CRACD: variants seen among roughly 807,000 people sequenced by gnomAD.
CRACD encodes the protein capping protein inhibiting regulator of actin dynamics.
A neutral mutation model predicts 106.8 loss-of-function variants in CRACD; 56 were observed. The observed-to-expected ratio is 0.52, with a 90% CI of 0.42 to 0.66. The LOEUF (loss-of-function observed/expected upper bound fraction) is 0.66, where lower values mean the gene tolerates loss of function less well. Ranked by LOEUF, CRACD falls within the 30% of genes least tolerant of loss-of-function variation. The probability of loss-of-function intolerance (pLI) is 0.00; values close to 1 mark genes in which losing one functional copy is unlikely to be tolerated. For synonymous variants in CRACD, 754 were observed against 670.8 expected (o/e 1.12, Z -1.92); for missense variants, 1,730 against 1,623.2 (o/e 1.07, Z -1.13).
intron 2 of CRACD, among the ~76,000 whole-genome samples, chr4:56,242,188 A>G (rs559797146): frequency 6.6e-6 from 1 of 152,318 alleles, no homozygotes; most frequent in East Asian, 1.9e-4. Context: ...AGTCTTGAAT[A>G]TCGTTGCCAA....
intron 2 of CRACD, among the ~76,000 whole-genome samples, chr4:56,195,584 G>T (rs1737569201): frequency 6.6e-6 from 1 of 152,096 alleles, no homozygotes; most frequent in Non-Finnish European, 1.5e-5. Context: ...ACTTAAAAAT[G>T]GAAATGTTTC....
intron 1 of CRACD, among the ~76,000 whole-genome samples, chr4:56,057,290 ACT>A (rs1732107158): frequency 6.6e-6 from 1 of 152,036 alleles, no homozygotes; most frequent in Non-Finnish European, 1.5e-5. Flanking sequence ...GAAGACTGAA[ACT>A]CTGAACCACA....
chr4:56,183,235 AAAAATAAAATAAAAT>A (rs201101283), intron 2 of CRACD, among the ~76,000 whole-genome samples: 13,734 of 124,372 alleles, frequency 0.11, 1,654 homozygotes, highest in East Asian at 0.51. Context: ...CTCCGTCTCA[AAAAATAAAATAAAAT>A]AAAATAAAAT....
intron 1 of CRACD, among the ~76,000 whole-genome samples, chr4:56,171,441 A>AG (rs928888256): frequency 2.6e-5 from 4 of 152,182 alleles, no homozygotes; most frequent in African/African-American, 7.2e-5. Flanking sequence ...ATCATAGATT[A>AG]GGGGGGCTGT....
At chr4:56,169,696 C>T (rs935716315) in intron 1 of CRACD, among the ~76,000 whole-genome samples, 1 of 152,106 alleles carries the variant, frequency 6.6e-6, no homozygotes, top group Admixed American at 6.6e-5. Flanking sequence ...CGGGGTTTTG[C>T]CATGTTGCTC....
chr4:56,185,794 T>TA (rs1737070677), intron 2 of CRACD, among the ~76,000 whole-genome samples: 2 of 152,236 alleles, frequency 1.3e-5, no homozygotes, highest in South Asian at 4.1e-4. Flanking sequence ...GTCATTGTTC[T>TA]AGTGGTCTGA....
chr4:56,246,780 A>G (rs1240439253), intron 2 of CRACD: 2 of 152,230 alleles, frequency 1.3e-5, no homozygotes, highest in South Asian at 2.1e-4. Flanking sequence ...GGGGGAAGAA[A>G]CAGGCATCTG....
In CRACD at chr4:56,132,429, C is replaced by T. The variant is rs962373952; in HGVS notation, c.-335-46855C>T. Among the ~76,000 whole-genome samples, 25 of 152,294 alleles carry T rather than the reference C, an allele frequency of 1.6e-4. 2 individuals are homozygous for T. Among genetic ancestry groups the T allele is most frequent in the Admixed American group, 9.8e-4 (15 of 15,290 alleles). ...GATCACGGCTCACTGCAGCCTCAAC[C>T]TTCCAGACTCTAGCAGTTCTCCCAA... is the stretch of plus-strand genomic sequence containing the variant. On this transcript the variant is annotated intron_variant, in intron 1 of 10. Transcript: ENST00000682029.
At chr4:56,256,022 T>C (rs1008991263) in intron 2 of CRACD, among the ~76,000 whole-genome samples, 2 of 152,168 alleles carry the variant, frequency 1.3e-5, no homozygotes, top group African/African-American at 4.8e-5. Context: ...TTGGAGTACT[T>C]GGCTGGCCCC....
At chr4:56,240,617 G>A (rs888039436) in intron 2 of CRACD, among the ~76,000 whole-genome samples, 2 of 152,130 alleles carry the variant, frequency 1.3e-5, no homozygotes, top group Admixed American at 6.6e-5. Context: ...TGATCCTTCT[G>A]CCTCAACCTC....
intron 2 of CRACD, among the ~76,000 whole-genome samples, chr4:56,189,193 A>C (rs1179248261): frequency 2.6e-5 from 4 of 151,930 alleles, no homozygotes; most frequent in Non-Finnish European, 1.5e-5. Context: ...CAAAAAAAAA[A>C]AAACCAAAAA....
intron 1 of CRACD, among the ~76,000 whole-genome samples, chr4:56,145,762 G>A (rs1735357211): frequency 6.6e-6 from 1 of 151,928 alleles, no homozygotes; most frequent in South Asian, 2.1e-4. Context: ...GACTAGAAGT[G>A]TGTGACTCCA....
intron 2 of CRACD, among the ~76,000 whole-genome samples, chr4:56,247,390 A>T (rs17086517): frequency 0.023 from 3,573 of 152,134 alleles, 62 homozygotes; most frequent in South Asian, 0.097. Flanking sequence ...ACTTTTCCAG[A>T]TGTGTGATTT....
intron 1 of CRACD, among the ~76,000 whole-genome samples, 159 bp from the exon 2 acceptor site, chr4:56,179,125 A>G (rs1021701853): frequency 2.6e-5 from 4 of 151,804 alleles, no homozygotes; most frequent in African/African-American, 9.7e-5. Flanking sequence ...AACAGTGCAA[A>G]TCGAATGTTG....
chr4:56,146,695 T>C (rs1042466301), intron 1 of CRACD, among the ~76,000 whole-genome samples: 3 of 152,156 alleles, frequency 2.0e-5, no homozygotes, highest in African/African-American at 7.2e-5. Flanking sequence ...ATATATTTGT[T>C]CTTTTATAAC....
At chr4:56,064,684 T>G (rs1159188006) in intron 1 of CRACD, among the ~76,000 whole-genome samples, 2 of 152,232 alleles carry the variant, frequency 1.3e-5, no homozygotes, top group African/African-American at 4.8e-5. Context: ...GTTAAAAAAA[T>G]ACTCCTTGAT....
At chr4:56,238,549 T>C (rs1213047022) in intron 2 of CRACD, among the ~76,000 whole-genome samples, 1 of 152,172 alleles carries the variant, frequency 6.6e-6, no homozygotes, top group East Asian at 1.9e-4. Flanking sequence ...TGGAACAGCA[T>C]CAACAACTCA....
At chr4:56,136,090 G>C (rs1734990250) in intron 1 of CRACD, among the ~76,000 whole-genome samples, 1 of 150,344 alleles carries the variant, frequency 6.7e-6, no homozygotes, top group African/African-American at 2.5e-5. Flanking sequence ...CTGTTGTTTT[G>C]TATATCAATA....
At chr4:56,236,494 T>C (rs1739975879) in intron 2 of CRACD, among the ~76,000 whole-genome samples, 2 of 152,256 alleles carry the variant, frequency 1.3e-5, no homozygotes, top group African/African-American at 4.8e-5. Context: ...AATTCAGCAC[T>C]GGATATTGGC....
Sources: allele counts gnomAD v4.1 joint callset (sites outside exome capture counted in the v4.1 genomes callset), GRCh38; gene constraint gnomAD v4.1.1; transcripts MANE v1.5; gene names NCBI Gene and HGNC (gene_info 2026-07-23, HGNC 2026-07-21).